SNRPN: variants seen among roughly 807,000 people sequenced by gnomAD.
SNRPN encodes small nuclear ribonucleoprotein-associated protein N.
Under a neutral mutation model 25.2 loss-of-function variants are expected in SNRPN, and 7 were observed. The observed-to-expected ratio is 0.28, with a 90% confidence interval of 0.16 to 0.52. The LOEUF (loss-of-function observed/expected upper bound fraction) is 0.52. Ranked by LOEUF, SNRPN falls within the 20% of genes least tolerant of loss-of-function variation. SNRPN has a pLI of 0.96. For missense variants in SNRPN, 196 were observed against 322.5 expected (o/e 0.61, Z 3.00); for synonymous variants, 124 against 110.6 (o/e 1.12, Z -0.76).
chr15:24,966,564 T>C (rs1412859445), intron 2 of SNRPN, among the ~76,000 whole-genome samples: 1 of 152,146 alleles, frequency 6.6e-6, no homozygotes, highest in Non-Finnish European at 1.5e-5. Flanking sequence ...GTTTGATCTT[T>C]TGTGGCCTGG....
chr15:24,869,872 AGAGTT>A (rs2054921221), intron 1 of SNRPN, among the ~76,000 whole-genome samples: 1 of 152,216 alleles, frequency 6.6e-6, no homozygotes, highest in South Asian at 2.1e-4. Context: ...ACCTAAAACA[AGAGTT>A]GAGAACTCTT....
At chr15:24,883,565 A>G (rs1319081291) in intron 1 of SNRPN, among the ~76,000 whole-genome samples, 2 of 152,200 alleles carry the variant, frequency 1.3e-5, no homozygotes, top group African/African-American at 4.8e-5. Flanking sequence ...TTGGATAATA[A>G]CAGGCATCAT....
At chr15:24,941,074 T>G (rs781366201) in intron 3 of SNRPN, among the ~76,000 whole-genome samples, 3 of 152,198 alleles carry the variant, frequency 2.0e-5, no homozygotes, top group Non-Finnish European at 4.4e-5. Flanking sequence ...CCTCCCAGGT[T>G]CAAGCGACTC....
intron 1 of SNRPN, among the ~76,000 whole-genome samples, chr15:24,961,647 TTTTTA>T (rs2074835132): frequency 1.3e-5 from 2 of 152,224 alleles, no homozygotes; most frequent in African/African-American, 4.8e-5. Flanking sequence ...TTTGCATGTT[TTTTTA>T]AAGTAGATAT....
At chr15:24,904,712 C>G (rs1038600652) in intron 2 of SNRPN, among the ~76,000 whole-genome samples, 1 of 151,472 alleles carries the variant, frequency 6.6e-6, no homozygotes, top group African/African-American at 2.4e-5. Context: ...CACAGTGGCT[C>G]ACTTCTGTAA....
At chr15:24,906,768 C>T (rs375497003) in intron 2 of SNRPN, among the ~76,000 whole-genome samples, 1 of 152,114 alleles carries the variant, frequency 6.6e-6, no homozygotes, top group African/African-American at 2.4e-5. Context: ...GTCATTCTTA[C>T]GGAGGCTATT....
At chr15:24,834,923 G>GAA (rs375542455) in intron 2 of SNRPN, among the ~76,000 whole-genome samples, 3 of 59,448 alleles carry the variant, frequency 5.0e-5, no homozygotes, top group Non-Finnish European at 6.6e-5. Flanking sequence ...GACTCCATCT[G>GAA]AAAAAAAAAA....
chr15:24,956,812 GCA>G (rs2063001793), intron 1 of SNRPN, among the ~76,000 whole-genome samples: 1 of 152,170 alleles, frequency 6.6e-6, no homozygotes, highest in Non-Finnish European at 1.5e-5. Flanking sequence ...TAGAGGCCAG[GCA>G]TTTGTACCAC....
At position 24,890,047 on chromosome 15, in the gene SNRPN, C is replaced by CAA. The variant is rs538959500; in HGVS notation, c.-505+3476_-505+3477dup. Among the ~76,000 whole-genome samples the CAA allele has an allele frequency of 8.5e-3, 722 of 84,568 alleles. 10 individuals carry two copies. The highest frequency in any genetic ancestry group is 0.028 in the African/African-American group (606 of 21,946). The allele number at this position is 84,568 out of a possible 152,430, so 55.5% of individuals were successfully genotyped here. ...CCTAGGTGAGATTGAAACTCCATTT[C>CAA]AAAAAAAAAAAAAAAAAAAGGATAT... On this transcript the variant is annotated intron_variant, in intron 2 of 11. Coordinates refer to the SNRPN transcript ENST00000400097.
chr15:24,929,987 A>G lies in SNRPN; in HGVS notation c.-391+9863A>G, dbSNP rs375694440. ...TGGATCACGAGGTCAGGAGATCAAG[A>G]CCCTCCTGGCTAACGCGGTGAAACC... is the stretch of plus-strand genomic sequence containing the variant. On this transcript the variant is annotated intron_variant, in intron 3 of 11. Coordinates refer to the SNRPN transcript ENST00000400097. The surrounding 1 kb of genome is among the most constrained non-coding windows in gnomAD (Gnocchi z 5.3). Among the ~76,000 whole-genome samples, 169 of 151,796 alleles carry G rather than the reference A, an allele frequency of 1.1e-3. 1 individual carries two copies. The highest frequency in any genetic ancestry group is 4.0e-3 in the African/African-American group (164 of 41,380).
At chr15:24,866,767 A>T (rs1566843118) in intron 1 of SNRPN, among the ~76,000 whole-genome samples, 1 of 152,192 alleles carries the variant, frequency 6.6e-6, no homozygotes, top group Non-Finnish European at 1.5e-5. Context: ...TTTAGATTTC[A>T]CATGAGTAAG....
chr15:24,918,805 T>TAA (rs1333994120), intron 2 of SNRPN, among the ~76,000 whole-genome samples: 2 of 91,420 alleles, frequency 2.2e-5, no homozygotes, highest in Non-Finnish European at 4.2e-5. Flanking sequence ...TATATATATA[T>TAA]AACAATATAT....
chr15:24,888,634 A>T (rs1450475220), intron 2 of SNRPN, among the ~76,000 whole-genome samples: 1 of 152,132 alleles, frequency 6.6e-6, no homozygotes, highest in Non-Finnish European at 1.5e-5. Flanking sequence ...CTTTCTTGGT[A>T]TGGTAAAAGC....
rs746827268 is a variant in SNRPN, at chr15:24,977,801, C to T, written c.444C>T (p.Gly148=). Residue 148 remains glycine, a synonymous_variant, in exon 8 of 10, where the codon GGC becomes GGT. Transcript: ENST00000390687. ...AGGTAATGACTCCACAGGGAAGAGG[C>T]ACTGTAGCAGCTGCTGCTGTTGCTG... is the stretch of plus-strand genomic sequence containing the variant. ...SQQVMTPQGR[G]TVAAAAVAAT... 5 of 1,612,480 alleles carry T rather than the reference C, an allele frequency of 3.1e-6. No individual in the cohort carries two copies. In the African/African-American group the frequency reaches 5.3e-5, roughly 17 times the overall value.
chr15:24,960,715 G>A (rs1288543414), intron 1 of SNRPN, among the ~76,000 whole-genome samples: 3 of 152,112 alleles, frequency 2.0e-5, no homozygotes, highest in Admixed American at 6.6e-5. Flanking sequence ...ACCCATCGTA[G>A]CAATAGAATT....
upstream of SNRPN, chr15:24,851,620 CAG>C (rs1056843165): frequency 2.6e-5 from 4 of 152,338 alleles, no homozygotes; most frequent in Admixed American, 6.5e-5. Context: ...GGAAGTGACA[CAG>C]GGCCGGCCAG....
intron 3 of SNRPN, among the ~76,000 whole-genome samples, chr15:24,971,936 G>T (rs1432498661): frequency 2.6e-5 from 4 of 152,120 alleles, no homozygotes; most frequent in East Asian, 3.8e-4. Flanking sequence ...ATGGCTGAAG[G>T]TCCCAAGTGT....
intron 2 of SNRPN, among the ~76,000 whole-genome samples, chr15:24,919,430 C>A (rs77733510): frequency 3.5e-3 from 444 of 128,196 alleles, no homozygotes; most frequent in Middle Eastern, 0.013. Flanking sequence ...GACTCTGTCT[C>A]AAAAAAAAAA....
chr15:24,832,119 C>T (rs867835567), intron 2 of SNRPN, among the ~76,000 whole-genome samples: 4 of 151,656 alleles, frequency 2.6e-5, no homozygotes, highest in African/African-American at 9.7e-5. Context: ...ACATTCCCAC[C>T]GACAGTACAC....
Sources: gnomAD v4.1 joint callset for allele counts (sites outside exome capture counted in the v4.1 genomes callset) on GRCh38, gnomAD v4.1.1 for gene constraint, Gnocchi (gnomAD v3.1) non-coding constraint, MANE v1.5 for transcripts, NCBI Gene and HGNC (gene_info 2026-07-23, HGNC 2026-07-21) for gene names.